Variants in BST1 observed in about 807,000 individuals in gnomAD.
The protein encoded by BST1 is ADP-ribosyl cyclase/cyclic ADP-ribose hydrolase 2.
A neutral mutation model predicts 40.6 loss-of-function variants in BST1; 49 were observed. The ratio of observed to expected loss-of-function variants is 1.21; its 90% CI spans 0.96 to 1.53. The LOEUF is 1.53. Ranked by LOEUF, BST1 falls within the 40% of genes most tolerant of loss-of-function variation. The pLI, the probability that BST1 is intolerant of heterozygous loss-of-function variation, is 0.00. For synonymous variants in BST1, 157 were observed against 159.3 expected (o/e 0.99, Z 0.11); for missense variants, 423 against 395.9 (o/e 1.07, Z -0.58).
Position 15,719,003 on chromosome 4 carries a change from CTA to C in BST1, c.791+16_791+17del, listed in dbSNP as rs1350226120. ...GTATTAATGATTACCGGTAGGTGGC[CTA>C]TATATCAATGTGCTCTTGTAGAGGT... is the stretch of plus-strand genomic sequence containing the variant. On this transcript the variant is annotated intron_variant, in intron 7 of 8. Transcript: ENST00000265016. The C allele has an allele frequency of 6.2e-7, 1 of 1,610,618 alleles. No individual in the cohort carries two copies. The highest frequency in any genetic ancestry group is 1.7e-5 in the Admixed American group (1 of 59,604).
rs577204620 is a variant in BST1, at chr4:15,723,576, A to G, written c.851+642A>G. 4 of 985,288 alleles carry G rather than the reference A, an allele frequency of 4.1e-6. No individual in the cohort carries two copies. In the East Asian group the frequency reaches 4.5e-4, roughly 112 times the overall value. 61.0% of individuals were successfully genotyped at this position (985,288 alleles called of 1,614,324 possible). ...ACCACCTTTTATGTAATCCTTTCTG[A>G]GTCATGGGCTGGCTTGGTTGTATGT... is the stretch of plus-strand genomic sequence containing the variant. On this transcript the variant is annotated intron_variant, in intron 8 of 8. Transcript: ENST00000265016.
chr4:15,766,642 A>G, the BST1 span, among the ~76,000 whole-genome samples: 1 of 151,812 alleles, frequency 6.6e-6, no homozygotes, highest in African/African-American at 2.4e-5. Context: ...TGCTAGAAAG[A>G]AGCAGGTCAC....
chr4:15,729,215 T>C (rs1457617692), intron 8 of BST1, among the ~76,000 whole-genome samples: 3 of 151,852 alleles, frequency 2.0e-5, no homozygotes, highest in African/African-American at 7.3e-5. Flanking sequence ...ACTTTGGGAG[T>C]TCAGTGCGGG....
chr4:15,755,161 T>C, the BST1 span, among the ~76,000 whole-genome samples: 3 of 152,130 alleles, frequency 2.0e-5, no homozygotes, highest in Non-Finnish European at 4.4e-5. Flanking sequence ...TTTTTTGAGA[T>C]GGAGTCTCAC....
chr4:15,763,355 C>A, the BST1 span, among the ~76,000 whole-genome samples: 1 of 151,420 alleles, frequency 6.6e-6, no homozygotes, highest in Non-Finnish European at 1.5e-5. Context: ...GATATAAATT[C>A]CTGGGAAAAT....
intron 7 of BST1, among the ~76,000 whole-genome samples, chr4:15,721,572 C>T (rs576598804): frequency 5.3e-5 from 8 of 151,342 alleles, no homozygotes; most frequent in South Asian, 2.1e-4. Context: ...AACCAAACAC[C>T]GCATGTTCTC....
chr4:15,722,693 A>C (rs946953169), intron 7 of BST1, among the ~76,000 whole-genome samples, 182 bp from the exon 8 acceptor site: 2 of 146,222 alleles, frequency 1.4e-5, no homozygotes, highest in Non-Finnish European at 3.0e-5. Context: ...TCAACCTCCC[A>C]AAGTGCTGGG....
the BST1 span, among the ~76,000 whole-genome samples, chr4:15,764,599 T>C: frequency 1.3e-5 from 2 of 152,004 alleles, no homozygotes; most frequent in African/African-American, 4.9e-5. Context: ...TATGATGGGC[T>C]TAATTTGATA....
chr4:15,758,170 G>T, the BST1 span, among the ~76,000 whole-genome samples: 5 of 151,742 alleles, frequency 3.3e-5, no homozygotes, highest in African/African-American at 9.7e-5. Context: ...AGTTTCAGGG[G>T]GTACATGGGC....
At chr4:15,769,996 C>T in the BST1 span, among the ~76,000 whole-genome samples, 1 of 152,100 alleles carries the variant, frequency 6.6e-6, no homozygotes, top group Non-Finnish European at 1.5e-5. Context: ...TGTGCCACTG[C>T]GCCTGGCTAA....
chr4:15,767,235 C>T, the BST1 span, among the ~76,000 whole-genome samples: 7 of 152,116 alleles, frequency 4.6e-5, no homozygotes, highest in South Asian at 2.1e-4. Flanking sequence ...CTGGGGGTGC[C>T]GAGGGAAATG....
downstream of BST1, chr4:15,736,181 C>A: frequency 8.1e-7 from 1 of 1,241,270 alleles, no homozygotes; most frequent in Admixed American, 2.4e-5. Context: ...GATCTCTCTG[C>A]TTCTGCTTGG....
the BST1 span, among the ~76,000 whole-genome samples, chr4:15,763,772 A>T: frequency 6.6e-6 from 1 of 152,066 alleles, no homozygotes; most frequent in African/African-American, 2.4e-5. Context: ...ATGAAAAGAC[A>T]TAAAGGAACC....
chr4:15,741,867 G>GCCT (rs1411551169), downstream of BST1, among the ~76,000 whole-genome samples: 1 of 152,162 alleles, frequency 6.6e-6, no homozygotes, highest in African/African-American at 2.4e-5. Context: ...TTGGCTTATG[G>GCCT]CCTAAAGTCT....
At chr4:15,705,392 T>C (rs1719823014) in intron 1 of BST1, 123 bp from the exon 2 acceptor site, 4 of 1,158,636 alleles carry the variant, frequency 3.5e-6, no homozygotes, top group Non-Finnish European at 4.9e-6. Flanking sequence ...GTCTTTTTTG[T>C]AAGCCTACTT....
the BST1 span, among the ~76,000 whole-genome samples, chr4:15,765,316 T>C: frequency 1.3e-5 from 2 of 151,988 alleles, no homozygotes; most frequent in African/African-American, 4.8e-5. Context: ...ATCCGGTCTG[T>C]TGTACCTTTA....
chr4:15,750,110 C>T, the BST1 span, among the ~76,000 whole-genome samples: 7 of 151,852 alleles, frequency 4.6e-5, no homozygotes, highest in African/African-American at 9.7e-5. Flanking sequence ...GCCCAACCTC[C>T]GCCACCCAGG....
intron 4 of BST1, 42 bp downstream of exon 4, chr4:15,711,931 ACC>A: frequency 6.5e-7 from 1 of 1,547,072 alleles, no homozygotes; most frequent in African/African-American, 1.4e-5. Flanking sequence ...CATGTGTGGG[ACC>A]CATAGAGATG....
chr4:15,713,241 G>A (rs572044871), intron 4 of BST1, among the ~76,000 whole-genome samples: 34 of 124,294 alleles, frequency 2.7e-4, no homozygotes, highest in African/African-American at 7.2e-4. Context: ...ACGGAGTCTC[G>A]CTCTGTCGAT....
Sources: gnomAD v4.1 joint callset for allele counts (sites outside exome capture counted in the v4.1 genomes callset) on GRCh38, gnomAD v4.1.1 for gene constraint, MANE v1.5 for transcripts, NCBI Gene and HGNC (gene_info 2026-07-23, HGNC 2026-07-21) for gene names.